Variants in LRP2 observed in about 807,000 individuals in gnomAD.
LRP2 encodes the protein LDL receptor related protein 2.
Under a neutral mutation model 531.0 loss-of-function variants are expected in LRP2, and 172 were observed. That is an observed-to-expected ratio of 0.32 (90% CI 0.29 to 0.37). The LOEUF (loss-of-function observed/expected upper bound fraction) is 0.37. LRP2 is among the 10% of genes least tolerant of loss of function. The pLI, the probability that LRP2 is intolerant of heterozygous loss-of-function variation, is 1.00. For synonymous variants in LRP2, 1,992 were observed against 2,027.6 expected (o/e 0.98, Z 0.47); for missense variants, 5,167 against 5,868.3 (o/e 0.88, Z 3.90).
chr2:169,280,696 G>A (rs1247600385), intron 10 of LRP2, among the ~76,000 whole-genome samples, 177 bp from the exon 11 acceptor site: 1 of 152,120 alleles, frequency 6.6e-6, no homozygotes, highest in Non-Finnish European at 1.5e-5. Flanking sequence ...TTTACAGAAG[G>A]GCAAATTGAG....
intron 3 of LRP2, among the ~76,000 whole-genome samples, chr2:169,314,127 A>C (rs533372122): frequency 1.3e-5 from 2 of 152,346 alleles, no homozygotes; most frequent in South Asian, 2.1e-4. Context: ...AACCTGGCAC[A>C]GTGGCTCGTG....
rs1689174042 is a variant in LRP2, at chr2:169,225,570, A to G, written c.5395-117T>C. On this transcript the variant is annotated intron_variant, in intron 32 of 78. Transcript: ENST00000649046. ...TATTTCTTGAACAGTCCTTACACTCAGAGGAAAGGCAAACAAAGGTTCAGC... is the reference window on the plus strand; with the variant it reads ...TATTTCTTGAACAGTCCTTACACTCGGAGGAAAGGCAAACAAAGGTTCAGC... The G allele has an allele frequency of 4.1e-6, 5 of 1,215,088 alleles. No individual in the cohort carries two copies. In the East Asian group the frequency reaches 9.4e-5, roughly 23 times the overall value. The allele number at this position is 1,215,088 out of a possible 1,614,324, so 75.3% of individuals were successfully genotyped here. A position where few individuals can be genotyped will look rare whatever the true frequency, so the allele number is the denominator to read the frequency against.
intron 40 of LRP2, 151 bp from the exon 41 acceptor site, chr2:169,205,788 T>C (rs1688356825): frequency 2.1e-6 from 2 of 950,658 alleles, no homozygotes; most frequent in Non-Finnish European, 3.2e-6. Context: ...CCAAAGGAGA[T>C]CTAGTAAGTC....
intron 61 of LRP2, among the ~76,000 whole-genome samples, chr2:169,168,130 A>G (rs1050939600): frequency 2.7e-5 from 4 of 148,590 alleles, no homozygotes; most frequent in Admixed American, 6.8e-5. Flanking sequence ...AAGTCTTAGC[A>G]TTTTCTAAAG....
chr2:169,193,801 G>T lies in LRP2; in HGVS notation c.8790C>A (p.Asp2930Glu). 6.2e-7 allele frequency: 1 copy of T among 1,614,134 alleles called. No homozygotes were observed. The highest frequency in any genetic ancestry group is 8.5e-7 in the Non-Finnish European group (1 of 1,180,026). ...TATCCTCGTCACTCATATCCCCACAGTCATTATCACCGTCACAGATCCATT... is the reference window on the plus strand; with the variant it reads ...TATCCTCGTCACTCATATCCCCACATTCATTATCACCGTCACAGATCCATT... ...PSEWICDGDN[D>E]CGDMSDEDKR... The change falls in exon 47 of 79, where the codon GAC (aspartate) becomes GAA (glutamate). Residue 2930 changes from aspartate (D) to glutamate (E), a missense_variant. By Grantham distance (45) the Asp-to-Glu change is conservative. Coordinates refer to ENST00000649046, the MANE Select transcript of LRP2 (RefSeq NM_004525.3).
At chr2:169,194,716 C>CTTTTTTT (rs869249150) in intron 46 of LRP2, among the ~76,000 whole-genome samples, 2 of 102,988 alleles carry the variant, frequency 1.9e-5, no homozygotes, top group Admixed American at 1.0e-4. Flanking sequence ...TTGATCCAGA[C>CTTTTTTT]TTTTTTTTTT....
Position 169,284,076 on chromosome 2 carries a change from A to G in LRP2, c.1043-1075T>C, listed in dbSNP as rs560662360. Among the ~76,000 whole-genome samples, 8 of 152,056 alleles carry G rather than the reference A, an allele frequency of 5.3e-5. No individual in the cohort carries two copies. The East Asian group carries it at 9.7e-4, about 18-fold the overall frequency. ...TTCAGGAAGTTCTCAAGTAGATTAT[A>G]ATTTCTGAAACCACTGCACTCCCAA... On this transcript the variant is annotated intron_variant, in intron 9 of 78. Coordinates refer to ENST00000649046, the MANE Select transcript of LRP2 (RefSeq NM_004525.3).
At chr2:169,351,731 G>A (rs1343450189) in intron 1 of LRP2, among the ~76,000 whole-genome samples, 3 of 152,172 alleles carry the variant, frequency 2.0e-5, no homozygotes, top group Non-Finnish European at 4.4e-5. Flanking sequence ...CTTCATGAAT[G>A]TCAAGCGAGG....
chr2:169,338,261 CAAAG>C (rs756134232), intron 1 of LRP2, among the ~76,000 whole-genome samples: 6 of 111,194 alleles, frequency 5.4e-5, no homozygotes, highest in Admixed American at 1.8e-4. Flanking sequence ...GAAAGAAAAA[CAAAG>C]AAAGAAAGAG....
chr2:169,138,709 G>A lies in LRP2; in HGVS notation c.13389-3C>T. 6.2e-7 allele frequency: 1 copy of A among 1,613,718 alleles called. No individual in the cohort carries two copies. Among genetic ancestry groups the A allele is most frequent in the Non-Finnish European group, 8.5e-7 (1 of 1,179,772 alleles). ...AGGGCTTGACGAGACTGCTTAAGCTGGAAAGAAGTAACCAAAACAGTGTCT... is the reference window on the plus strand; with the variant it reads ...AGGGCTTGACGAGACTGCTTAAGCTAGAAAGAAGTAACCAAAACAGTGTCT... On this transcript the variant is annotated splice_polypyrimidine_tract_variant and splice_region_variant and intron_variant, in intron 74 of 78. Transcript: ENST00000649046.
chr2:169,200,054 T>A (rs764828522), intron 44 of LRP2, among the ~76,000 whole-genome samples: 2 of 152,016 alleles, frequency 1.3e-5, no homozygotes, highest in African/African-American at 4.8e-5. Flanking sequence ...ATCGAGACCA[T>A]CCTGGCTAAC....
In LRP2 at chr2:169,292,287, A is replaced by G; in HGVS notation, c.735T>C (p.Asp245=). 1 of 1,613,902 alleles carries G rather than the reference A, an allele frequency of 6.2e-7. No homozygotes were observed. The highest frequency in any genetic ancestry group is 8.5e-7 in the Non-Finnish European group (1 of 1,179,784). ...CTTCATCTCCATTATCTTTACAGTC[A>G]TCTTCTCCATCACAAACCCAGTTTT... ...IYQNWVCDGE[D]DCKDNGDEDG... is the part of the protein sequence containing the mutation. Residue 245 remains aspartate, a synonymous_variant, in exon 7 of 79, where the codon GAT becomes GAC. Coordinates refer to ENST00000649046, the MANE Select transcript of LRP2 (RefSeq NM_004525.3).
At position 169,297,230 on chromosome 2, in the gene LRP2, A is replaced by G. The variant is rs556664288; in HGVS notation, c.428-2520T>C. 8.1e-4 allele frequency among the ~76,000 whole-genome samples: 124 copies of G among 152,326 alleles called. 1 individual carries two copies. Among genetic ancestry groups the G allele is most frequent in the African/African-American group, 2.7e-3 (112 of 41,582 alleles). The stretch of plus-strand genomic sequence containing the variant: ...TTGCTAAAGATGTTAATGAGTTTCA[A>G]TCTACTCCAGAAAACAATAATTCAC... On this transcript the variant is annotated intron_variant, in intron 4 of 78. Transcript: ENST00000649046.
At chr2:169,173,011 T>C in intron 57 of LRP2, 85 bp downstream of exon 57, 1 of 1,509,854 alleles carries the variant, frequency 6.6e-7, no homozygotes, top group Non-Finnish European at 9.2e-7. Flanking sequence ...ACATGGGAAA[T>C]ACACTCTCAT....
chr2:169,145,285 C>T lies in LRP2; in HGVS notation c.12988+462G>A, dbSNP rs564385482. ...AGTGGGAAAGTGAGACAGAGGGGAG[C>T]GGGTAGGAATGCACATGACTGGCCA... On this transcript the variant is annotated intron_variant, in intron 70 of 78. Transcript: ENST00000649046. Among the ~76,000 whole-genome samples, 24 of 152,276 alleles carry T rather than the reference C, an allele frequency of 1.6e-4. No homozygotes were observed. The South Asian group carries it at 2.5e-3, about 16-fold the overall frequency.
chr2:169,190,845 G>T (rs1227108318), intron 48 of LRP2, among the ~76,000 whole-genome samples: 2 of 152,136 alleles, frequency 1.3e-5, no homozygotes, highest in Non-Finnish European at 2.9e-5. Context: ...TATTTTCCTA[G>T]TCAATCAGGA....
In LRP2 at chr2:169,207,236, T is replaced by G; in HGVS notation, c.6484A>C (p.Thr2162Pro). 1 of 1,613,690 alleles carries G rather than the reference T, an allele frequency of 6.2e-7. No individual in the cohort carries two copies. Among genetic ancestry groups the G allele is most frequent in the Non-Finnish European group, 8.5e-7 (1 of 1,179,714 alleles). Residue 2162 changes from threonine (T) to proline (P), a missense_variant, in exon 39 of 79, where the codon ACC becomes CCC. Physicochemically the swap from Thr to Pro is conservative, Grantham distance 38. Coordinates refer to ENST00000649046, the MANE Select transcript of LRP2 (RefSeq NM_004525.3). ...AGTGTTTCAGAAACAAAGGCATTGG[T>G]GAAATAAAGATTTCCTATGGGAAAA... is the stretch of plus-strand genomic sequence containing the variant. ...VDWVAGNLYFTNAFVSETLIE... is the reference protein window; with the variant it reads ...VDWVAGNLYFPNAFVSETLIE...
At chr2:169,360,339 G>T (rs1248649061) in intron 1 of LRP2, among the ~76,000 whole-genome samples, 1 of 152,084 alleles carries the variant, frequency 6.6e-6, no homozygotes, top group Non-Finnish European at 1.5e-5. Flanking sequence ...ATATTATGAA[G>T]ATTAATTGAG....
At chr2:169,338,364 GAAAGAAAGAAA>G (rs1685468861) in intron 1 of LRP2, among the ~76,000 whole-genome samples, 14 of 82,808 alleles carry the variant, frequency 1.7e-4, no homozygotes, top group African/African-American at 7.4e-4. Context: ...AAGAAGGAAA[GAAAGAAAGAAA>G]GAAAGAAAGA....
Sources: gnomAD v4.1 joint callset for allele counts (sites outside exome capture counted in the v4.1 genomes callset) on GRCh38, gnomAD v4.1.1 for gene constraint, MANE v1.5 for transcripts, NCBI Gene and HGNC (gene_info 2026-07-23, HGNC 2026-07-21) for gene names.